The following TSG101 variants were observed in gnomAD, a reference collection of about 807,000 sequenced individuals.
TSG101 encodes the protein tumor susceptibility gene 101 protein.
In TSG101, 19 loss-of-function variants were observed where a neutral mutation model predicts 48.5. The observed-to-expected ratio is 0.39, with a 90% CI of 0.27 to 0.58. The LOEUF (loss-of-function observed/expected upper bound fraction) is 0.58, where lower values mean the gene tolerates loss of function less well. Ranked by LOEUF, TSG101 falls within the 20% of genes least tolerant of loss-of-function variation. The pLI, the probability that TSG101 is intolerant of heterozygous loss-of-function variation, is 0.55. For missense variants in TSG101, 365 were observed against 484.4 expected, an observed-to-expected ratio of 0.75 and a Z score of 2.31; for synonymous variants, 174 against 169.4, an observed-to-expected ratio of 1.03 and a Z score of -0.21.
At chr11:18,506,820 T>C (rs1236762178) in intron 6 of TSG101, 37 bp downstream of exon 6, 10 of 1,489,964 alleles carry the variant, frequency 6.7e-6, no homozygotes, top group Non-Finnish European at 9.1e-6. Flanking sequence ...ATAGAAGAAT[T>C]TGTAATACAA....
intron 7 of TSG101, among the ~76,000 whole-genome samples, chr11:18,492,765 T>TA (rs60389211): frequency 0.19 from 23,394 of 123,702 alleles, 2,378 homozygotes; most frequent in East Asian, 0.44. Flanking sequence ...AACTACTTTG[T>TA]AAAAAAAAAA....
intron 1 of TSG101, among the ~76,000 whole-genome samples, chr11:18,524,296 G>A (rs1409055351): frequency 6.6e-6 from 1 of 152,152 alleles, no homozygotes; most frequent in African/African-American, 2.4e-5. Flanking sequence ...TTGAAGTTGG[G>A]AGCTAAGATA....
intron 7 of TSG101, among the ~76,000 whole-genome samples, chr11:18,502,072 TAATAAGCA>T (rs1449350483): frequency 6.6e-6 from 1 of 152,228 alleles, no homozygotes; most frequent in Non-Finnish European, 1.5e-5. Flanking sequence ...CAGGTAACGC[TAATAAGCA>T]AACACAAAAA....
rs751738658 is a variant in TSG101 at position 18,526,852 on chromosome 11, A to C, written c.-36T>G. 1.9e-6 allele frequency: 3 copies of C among 1,592,488 alleles called. No individual in the cohort carries two copies. Among genetic ancestry groups the C allele is most frequent in the South Asian group, 1.1e-5 (1 of 89,614 alleles). ...TGGCGACTCCCTTCCCCGCAGGCAG[A>C]GGGTCAGCCGCTGCTGGGCTGCCCC... On this transcript the variant is annotated 5_prime_UTR_variant, in exon 1 of 10. Transcript: ENST00000251968.
chr11:18,481,507 T>A, intron 9 of TSG101, 123 bp downstream of exon 9: 1 of 1,467,432 alleles, frequency 6.8e-7, no homozygotes, highest in South Asian at 1.5e-5. Flanking sequence ...TCATTTAGTG[T>A]TTTTTGGGAA....
At chr11:18,489,227 ATT>A (rs113489427) in intron 7 of TSG101, among the ~76,000 whole-genome samples, 14 of 142,250 alleles carry the variant, frequency 9.8e-5, no homozygotes, top group Admixed American at 2.1e-4. Context: ...ACATCATTCT[ATT>A]TTTTTTTTTT....
intron 1 of TSG101, chr11:18,525,564 A>G (rs971227258): frequency 3.7e-5 from 8 of 214,218 alleles, no homozygotes; most frequent in Non-Finnish European, 6.2e-5. Flanking sequence ...AAAAAAAAAG[A>G]GTCATGGAAC....
At chr11:18,504,100 C>G (rs769272555) in intron 6 of TSG101, among the ~76,000 whole-genome samples, 1 of 149,198 alleles carries the variant, frequency 6.7e-6, no homozygotes, top group Non-Finnish European at 1.5e-5. Context: ...ACTTGGGAGG[C>G]TGAAGTTGAA....
intron 1 of TSG101, among the ~76,000 whole-genome samples, chr11:18,521,077 T>C (rs1044615176): frequency 1.3e-5 from 2 of 152,158 alleles, no homozygotes; most frequent in South Asian, 4.1e-4. Flanking sequence ...TCCTCTTCTC[T>C]GGTAAGATCA....
chr11:18,482,354 T>G (rs923308630), intron 8 of TSG101, among the ~76,000 whole-genome samples: 1 of 152,214 alleles, frequency 6.6e-6, no homozygotes, highest in Admixed American at 6.5e-5. Flanking sequence ...TGAGTTGTAT[T>G]GGTGTCACTT....
intron 1 of TSG101, among the ~76,000 whole-genome samples, chr11:18,521,280 C>T (rs895383828): frequency 6.6e-6 from 1 of 151,060 alleles, no homozygotes; most frequent in African/African-American, 2.4e-5. Context: ...TATGTAATGA[C>T]CAATTCTACC....
At chr11:18,520,317 G>T (rs1447679529) in intron 1 of TSG101, among the ~76,000 whole-genome samples, 1 of 152,110 alleles carries the variant, frequency 6.6e-6, no homozygotes, top group Non-Finnish European at 1.5e-5. Flanking sequence ...TCGAACTCCT[G>T]GGCTCAAGTG....
At position 18,519,622 on chromosome 11, in the gene TSG101, T is replaced by C; in HGVS notation, c.43-19A>G. 6.3e-7 allele frequency: 1 copy of C among 1,577,638 alleles called. No individual in the cohort carries two copies. Among genetic ancestry groups the C allele is most frequent in the Non-Finnish European group, 8.7e-7 (1 of 1,155,840 alleles). On this transcript the variant is annotated intron_variant, in intron 1 of 9. Coordinates refer to ENST00000251968, the MANE Select transcript of TSG101 (RefSeq NM_006292.4). ...ATTTGTACTGAAAAGCAAAATCGCATAAGAATTTAGTTTAAAACCAATGCA... is the reference window on the plus strand; with the variant it reads ...ATTTGTACTGAAAAGCAAAATCGCACAAGAATTTAGTTTAAAACCAATGCA...
At chr11:18,507,149 C>G (rs1432880895) in intron 5 of TSG101, among the ~76,000 whole-genome samples, 2 of 152,182 alleles carry the variant, frequency 1.3e-5, no homozygotes, top group East Asian at 3.8e-4. Flanking sequence ...AACTGGCAAA[C>G]AGGTCAACCT....
Position 18,481,841 on chromosome 11 carries a change from A to G in TSG101, c.872T>C (p.Leu291Ser). The change falls in exon 9 of 10, where the codon TTG (leucine) becomes TCG (serine). Residue 291 changes from leucine (L) to serine (S), a missense_variant. Transcript: ENST00000251968. ...VAEVDKNIELLKKKDEELSSA... is the reference protein window; with the variant it reads ...VAEVDKNIELSKKKDEELSSA... ...ACTGAGTTCTTCATCCTTCTTTTTC[A>G]AAAGTTCTATGTTTTTATCAACCTC... 3.1e-6 allele frequency: 5 copies of G among 1,613,718 alleles called. No homozygotes were observed. The highest frequency in any genetic ancestry group is 4.2e-6 in the Non-Finnish European group (5 of 1,180,020).
At chr11:18,485,160 C>T (rs1384986022) in intron 7 of TSG101, among the ~76,000 whole-genome samples, 2 of 152,044 alleles carry the variant, frequency 1.3e-5, no homozygotes, top group African/African-American at 4.8e-5. Context: ...AAACCATCAA[C>T]AAACTCTGTC....
intron 1 of TSG101, among the ~76,000 whole-genome samples, chr11:18,520,577 A>C (rs1162518406): frequency 6.6e-6 from 1 of 152,154 alleles, no homozygotes; most frequent in East Asian, 1.9e-4. Flanking sequence ...ACTGATGGGC[A>C]CATCTCTTTT....
chr11:18,495,921 C>T (rs984655272), intron 7 of TSG101, among the ~76,000 whole-genome samples: 1 of 143,288 alleles, frequency 7.0e-6, no homozygotes, highest in Non-Finnish European at 1.5e-5. Flanking sequence ...GAGACTCCGT[C>T]TCAAAAAAAA....
intron 7 of TSG101, among the ~76,000 whole-genome samples, chr11:18,499,854 G>C (rs1849861044): frequency 6.6e-6 from 1 of 152,100 alleles, no homozygotes; most frequent in Admixed American, 6.6e-5. Context: ...CTATGTGGTA[G>C]GAACATTTTA....
Sources: allele counts gnomAD v4.1 joint callset (sites outside exome capture counted in the v4.1 genomes callset), GRCh38; gene constraint gnomAD v4.1.1; transcripts MANE v1.5; gene names NCBI Gene and HGNC (gene_info 2026-07-23, HGNC 2026-07-21).